FNDC3B: variants seen among roughly 807,000 people sequenced by gnomAD.
FNDC3B encodes the protein fibronectin type III domain containing 3B.
FNDC3B carries 12 observed loss-of-function variants against 151.5 expected under a neutral mutation model. The observed-to-expected ratio is 0.08, with a 90% CI of 0.05 to 0.13. The LOEUF is 0.13. Among genes scored for constraint, FNDC3B ranks in the 10% least tolerant of loss-of-function variants. FNDC3B has a pLI of 1.00. For missense variants in FNDC3B, 1,214 were observed against 1,505.3 expected (o/e 0.81, Z 3.20); for synonymous variants, 528 against 549.0 (o/e 0.96, Z 0.54).
At chr3:172,239,673 A>G (rs1207586126) in intron 4 of FNDC3B, among the ~76,000 whole-genome samples, 3 of 151,782 alleles carry the variant, frequency 2.0e-5, no homozygotes, top group African/African-American at 7.3e-5. Context: ...TTGTAGTCCA[A>G]CAAGAGTAGA....
At chr3:172,109,114 T>A (rs1489757250) in intron 1 of FNDC3B, among the ~76,000 whole-genome samples, 1 of 152,128 alleles carries the variant, frequency 6.6e-6, no homozygotes, top group Non-Finnish European at 1.5e-5. Context: ...GGATGAAGTC[T>A]GGTTTATCTC....
At position 172,153,908 on chromosome 3, in the gene FNDC3B, C is replaced by T. The variant is rs1559991509; in HGVS notation, c.187+20362C>T. 2.0e-5 allele frequency among the ~76,000 whole-genome samples: 3 copies of T among 152,048 alleles called. No individual in the cohort carries two copies. The South Asian group carries it at 6.2e-4, about 32-fold the overall frequency. On this transcript the variant is annotated intron_variant, in intron 3 of 25. Coordinates refer to ENST00000415807, the MANE Select transcript of FNDC3B (RefSeq NM_022763.4). ...GTAGTAAAGAAACAAAAACCTAAAC[C>T]AAAAGACTAGAGTTTGTGTCTTGGT...
chr3:172,213,844 C>T (rs545595091), intron 3 of FNDC3B, among the ~76,000 whole-genome samples: 300 of 152,280 alleles, frequency 2.0e-3, no homozygotes, highest in South Asian at 7.9e-3. Context: ...GGAGACCTTT[C>T]TGGTAGCCTG....
chr3:172,315,903 C>T (rs1560074098), intron 11 of FNDC3B, among the ~76,000 whole-genome samples: 1 of 152,042 alleles, frequency 6.6e-6, no homozygotes, highest in African/African-American at 2.4e-5. Flanking sequence ...CCGTTGGCCG[C>T]ACCCACACTA....
chr3:172,394,039 C>A (rs142792156), intron 25 of FNDC3B, among the ~76,000 whole-genome samples: 1 of 129,566 alleles, frequency 7.7e-6, no homozygotes, highest in African/African-American at 3.0e-5. Context: ...ACCCAGGAGG[C>A]GGAGCTTGCA....
chr3:172,268,053 C>T (rs1234872582), intron 6 of FNDC3B, among the ~76,000 whole-genome samples: 3 of 152,162 alleles, frequency 2.0e-5, no homozygotes, highest in African/African-American at 4.8e-5. Flanking sequence ...TTGTAATAAA[C>T]TTGTATCTTA....
rs374936463 is a variant in FNDC3B, at chr3:172,204,477, TACATACATGC to T, written c.188-22390_188-22381del. The stretch of plus-strand genomic sequence containing the variant: ...CTCATGGTCCATTTCTGTGCATGTA[TACATACATGC>T]ACAGACAAAAATAAAAGCATAGAAT... On this transcript the variant is annotated intron_variant, in intron 3 of 25. Transcript: ENST00000415807. 1.2e-3 allele frequency among the ~76,000 whole-genome samples: 187 copies of T among 152,320 alleles called. 2 individuals carry two copies. The highest frequency in any genetic ancestry group is 4.2e-3 in the African/African-American group (174 of 41,578).
intron 25 of FNDC3B, among the ~76,000 whole-genome samples, chr3:172,396,926 A>G (rs1456963017): frequency 5.3e-5 from 8 of 152,178 alleles, no homozygotes; most frequent in Non-Finnish European, 2.9e-5. Flanking sequence ...TCAGTGCCTT[A>G]TCTCCTTCTG....
At chr3:172,084,327 T>G (rs1718436559) in intron 1 of FNDC3B, among the ~76,000 whole-genome samples, 1 of 152,088 alleles carries the variant, frequency 6.6e-6, no homozygotes, top group Non-Finnish European at 1.5e-5. Context: ...GGTGCACGCT[T>G]GTAGGCCCAG....
Position 172,251,306 on chromosome 3 carries a change from C to A in FNDC3B, c.555C>A (p.Asp185Glu). The A allele has an allele frequency of 6.2e-7, 1 of 1,613,552 alleles. No individual in the cohort carries two copies. The highest frequency in any genetic ancestry group is 8.5e-7 in the Non-Finnish European group (1 of 1,179,572). Residue 185 changes from aspartate (D) to glutamate (E), a missense_variant, in exon 6 of 26, where the codon GAC (aspartate) becomes GAA (glutamate). This residue lies in a region of FNDC3B where 166 missense variants were observed against 173.2 expected (regional missense o/e 0.96). Transcript: ENST00000415807. ...YGMSTYITREDQYSKPPHKKL... is the reference protein window; with the variant it reads ...YGMSTYITREEQYSKPPHKKL... ...TGTCAACCTACATCACCCGAGAAGACCAGTACAGCAAGCCTCCGCACAAAA... is the reference window on the plus strand; with the variant it reads ...TGTCAACCTACATCACCCGAGAAGAACAGTACAGCAAGCCTCCGCACAAAA...
At chr3:172,143,141 G>A (rs1456302688) in intron 3 of FNDC3B, among the ~76,000 whole-genome samples, 6 of 152,122 alleles carry the variant, frequency 3.9e-5, no homozygotes, top group Non-Finnish European at 8.8e-5. Context: ...TAGTACTGCT[G>A]AAGATAAAAT....
chr3:172,047,602 C>T (rs1035214119), intron 1 of FNDC3B, among the ~76,000 whole-genome samples: 1 of 151,954 alleles, frequency 6.6e-6, no homozygotes, highest in Non-Finnish European at 1.5e-5. Context: ...ACAGGAGCCC[C>T]TGGAAAGTCA....
At chr3:172,287,576 CAG>C (rs1576875560) in intron 7 of FNDC3B, among the ~76,000 whole-genome samples, 1 of 152,144 alleles carries the variant, frequency 6.6e-6, no homozygotes, top group African/African-American at 2.4e-5. Flanking sequence ...GTAAGGAAAA[CAG>C]AGGAGTCAGA....
At chr3:172,181,907 A>G (rs533235498) in intron 3 of FNDC3B, among the ~76,000 whole-genome samples, 11 of 149,742 alleles carry the variant, frequency 7.3e-5, no homozygotes, top group Non-Finnish European at 1.5e-4. Context: ...TTCATTATGT[A>G]GTCTCAGTGT....
At chr3:172,272,299 TG>T (rs1395339063) in intron 6 of FNDC3B, among the ~76,000 whole-genome samples, 2 of 152,208 alleles carry the variant, frequency 1.3e-5, no homozygotes, top group African/African-American at 4.8e-5. Flanking sequence ...GGGTATTGTC[TG>T]TGTAGAACAC....
intron 3 of FNDC3B, among the ~76,000 whole-genome samples, chr3:172,220,464 A>G (rs181655499): frequency 4.4e-4 from 67 of 152,262 alleles, no homozygotes; most frequent in Admixed American, 3.7e-3. Context: ...CCCATTCTAT[A>G]GGATGTGTTT....
chr3:172,188,410 T>A (rs1724316642), intron 3 of FNDC3B, among the ~76,000 whole-genome samples: 1 of 151,346 alleles, frequency 6.6e-6, no homozygotes, highest in Admixed American at 6.6e-5. Flanking sequence ...TTTTTGTTTC[T>A]TTGTTTGTTT....
Position 172,279,234 on chromosome 3 carries a change from C to T in FNDC3B, c.791-6692C>T, listed in dbSNP as rs911523687. Among the ~76,000 whole-genome samples the T allele has an allele frequency of 1.2e-4, 5 of 43,204 alleles. No homozygotes were observed. The South Asian group carries it at 1.7e-3, about 14-fold the overall frequency. 28.3% of individuals were successfully genotyped at this position (43,204 alleles called of 152,430 possible). A position where few individuals can be genotyped will look rare whatever the true frequency, so the allele number is the denominator to read the frequency against. ...GGCCTGGGGAGTGGGGGGCGGGGGG[C>T]GGGGAAATCATCCTGTCCAGTGAAT... On this transcript the variant is annotated intron_variant, in intron 6 of 25. Transcript: ENST00000415807.
chr3:172,071,199 T>C (rs933660218), intron 1 of FNDC3B, among the ~76,000 whole-genome samples: 2 of 152,226 alleles, frequency 1.3e-5, no homozygotes, highest in African/African-American at 4.8e-5. Context: ...TTCAGTTTTA[T>C]GTGTTTTCAG....
Sources: allele counts gnomAD v4.1 joint callset (sites outside exome capture counted in the v4.1 genomes callset), GRCh38; gene constraint gnomAD v4.1.1; regional missense constraint gnomAD v4.1.1; transcripts MANE v1.5; gene names NCBI Gene and HGNC (gene_info 2026-07-23, HGNC 2026-07-21).